YJU2: variants seen among roughly 807,000 people sequenced by gnomAD.
The protein encoded by YJU2 is splicing factor YJU2.
YJU2 carries 28 observed loss-of-function variants against 39.6 expected under a neutral mutation model. That is an observed-to-expected ratio of 0.71 (90% CI 0.52 to 0.97). The LOEUF (loss-of-function observed/expected upper bound fraction) is 0.97, where lower values mean the gene tolerates loss of function less well. Among genes scored for constraint, YJU2 ranks in the 50% least tolerant of loss-of-function variants. YJU2 has a pLI of 0.00. For missense variants in YJU2, 328 were observed against 430.4 expected (o/e 0.76, Z 2.11); for synonymous variants, 184 against 182.4 (o/e 1.01, Z -0.07).
At position 4,268,653 on chromosome 19, in the gene YJU2, T is replaced by A. The variant is rs1382504753; in HGVS notation, c.929T>A (p.Leu310Gln). The change falls in exon 8 of 8, where the codon CTG (leucine) becomes CAG (glutamine). Residue 310 changes from leucine (L) to glutamine (Q), a missense_variant. Physicochemically the swap from Leu to Gln is moderately radical, Grantham distance 113. Coordinates refer to ENST00000262962, the MANE Select transcript of YJU2 (RefSeq NM_018074.6). ...CCTGGCGCGTCCTCCCTGAGCCAACTGGGTGCATACCTGGACAGTGACGAC... is the reference window on the plus strand; with the variant it reads ...CCTGGCGCGTCCTCCCTGAGCCAACAGGGTGCATACCTGGACAGTGACGAC... ...LTPGASSLSQ[L>Q]GAYLDSDDSN... 1 of 1,613,832 alleles carries A rather than the reference T, an allele frequency of 6.2e-7. No homozygotes were observed. The highest frequency in any genetic ancestry group is 1.3e-5 in the African/African-American group (1 of 74,938).
At chr19:4,259,473 G>A (rs1050378483) in intron 5 of YJU2, among the ~76,000 whole-genome samples, 6 of 152,074 alleles carry the variant, frequency 3.9e-5, no homozygotes, top group Admixed American at 2.6e-4. Flanking sequence ...TCCATCTCCC[G>A]GGCTCAAGCG....
intron 3 of YJU2, 86 bp downstream of exon 3, chr19:4,251,257 C>A: frequency 7.8e-7 from 1 of 1,280,114 alleles, no homozygotes; most frequent in Non-Finnish European, 1.1e-6. Context: ...AACTCCAATC[C>A]TCTCCATCCA....
intron 6 of YJU2, among the ~76,000 whole-genome samples, chr19:4,264,520 CTT>C (rs1971101252): frequency 6.7e-6 from 1 of 148,274 alleles, no homozygotes; most frequent in African/African-American, 2.5e-5. Context: ...CAGTTTCACT[CTT>C]GTTGCCCAGG....
chr19:4,262,477 C>A (rs975749055), intron 6 of YJU2, among the ~76,000 whole-genome samples: 2 of 152,028 alleles, frequency 1.3e-5, no homozygotes, highest in East Asian at 1.9e-4. Context: ...GGATTACAGG[C>A]GTGAGCCACC....
chr19:4,247,549 CGT>C (rs1970930043), intron 1 of YJU2, among the ~76,000 whole-genome samples: 1 of 118,554 alleles, frequency 8.4e-6, no homozygotes, highest in African/African-American at 3.0e-5. Flanking sequence ...TGTAACCAAT[CGT>C]GTACTTTGGG....
Position 4,251,197 on chromosome 19 carries a change from G to T in YJU2, c.270+26G>T. On this transcript the variant is annotated intron_variant, in intron 3 of 7. Transcript: ENST00000262962. ...GTAGGTGAGACGGCCGGCCAGGCCG[G>T]TCCCTCTCCCCCAGCACACCTCAGA... 1.9e-6 allele frequency: 3 copies of T among 1,609,512 alleles called. No individual in the cohort carries two copies. In the Admixed American group the frequency reaches 5.0e-5, roughly 27 times the overall value.
intron 1 of YJU2, among the ~76,000 whole-genome samples, chr19:4,247,721 G>T (rs28473520): frequency 0.029 from 4,184 of 146,652 alleles, 252 homozygotes; most frequent in African/African-American, 0.1. Flanking sequence ...ACTGGGGTCT[G>T]GTCATGCAGA....
In YJU2 at chr19:4,247,645, GTGTGTGTGTGTGTGTGTGTGTGTGT is replaced by G. The variant is rs1970939806; in HGVS notation, c.24+476_24+500del. Among the ~76,000 whole-genome samples, 22 of 67,680 alleles carry G rather than the reference GTGTGTGTGTGTGTGTGTGTGTGTGT, an allele frequency of 3.3e-4. 2 individuals are homozygous for G. The highest frequency in any genetic ancestry group is 1.4e-3 in the South Asian group (2 of 1,418). 44.4% of individuals were successfully genotyped at this position (67,680 alleles called of 152,430 possible). A position where few individuals can be genotyped will look rare whatever the true frequency, so the allele number is the denominator to read the frequency against. Reference sequence around the variant, plus strand: ...TGTGTGTGTGTGTGTGTGTGTGTGTGTGTGTGTGTGTGTGTGTGTGTGTGTGTGTGTGTGTGTGTGTGTGTGTGTG... The same window carrying G: ...TGTGTGTGTGTGTGTGTGTGTGTGTGGTGTGTGTGTGTGTGTGTGTGTGTG... On this transcript the variant is annotated intron_variant, in intron 1 of 7. Coordinates refer to ENST00000262962, the MANE Select transcript of YJU2 (RefSeq NM_018074.6).
chr19:4,261,958 C>A, intron 5 of YJU2, 36 bp from the exon 6 acceptor site: 1 of 1,605,622 alleles, frequency 6.2e-7, no homozygotes, highest in South Asian at 1.1e-5. Flanking sequence ...GTTCCCCAAA[C>A]AGAGCACGTC....
At chr19:4,248,411 G>T (rs1412913721) in intron 1 of YJU2, among the ~76,000 whole-genome samples, 1 of 152,162 alleles carries the variant, frequency 6.6e-6, no homozygotes, top group Non-Finnish European at 1.5e-5. Flanking sequence ...GACAGTGTGC[G>T]CATTTCACAG....
intron 5 of YJU2, among the ~76,000 whole-genome samples, chr19:4,259,714 G>C (rs1372657387): frequency 6.6e-6 from 1 of 152,002 alleles, no homozygotes; most frequent in Non-Finnish European, 1.5e-5. Context: ...CTCTGAGCCC[G>C]CGTGCTGATC....
intron 3 of YJU2, among the ~76,000 whole-genome samples, chr19:4,252,048 G>T (rs1342287707): frequency 6.6e-6 from 1 of 152,000 alleles, no homozygotes; most frequent in African/African-American, 2.4e-5. Flanking sequence ...ATTGCAATTT[G>T]ACTTTTATTT....
At chr19:4,252,314 A>G (rs1568360853) in intron 3 of YJU2, among the ~76,000 whole-genome samples, 1 of 151,594 alleles carries the variant, frequency 6.6e-6, no homozygotes, top group Non-Finnish European at 1.5e-5. Flanking sequence ...AAATACAAAA[A>G]TAGGCCGGGC....
chr19:4,255,340 T>C (rs1350313407), intron 4 of YJU2, among the ~76,000 whole-genome samples: 1 of 152,082 alleles, frequency 6.6e-6, no homozygotes, highest in Non-Finnish European at 1.5e-5. Context: ...TCCCAGCTAC[T>C]TTAGGGGTTG....
chr19:4,258,232 C>T lies in YJU2; in HGVS notation c.406-10C>T, dbSNP rs780095139. 30 of 1,550,716 alleles carry T rather than the reference C, an allele frequency of 1.9e-5. No homozygotes were observed. In the East Asian group the frequency reaches 5.4e-4, roughly 28 times the overall value. On this transcript the variant is annotated splice_polypyrimidine_tract_variant and intron_variant, in intron 4 of 7. Transcript: ENST00000262962. ...CCATGCACTCAGCCCCGCCGCCCCG[C>T]GCCCGCCAGGTGCTGGAGAACCGGA... is the stretch of plus-strand genomic sequence containing the variant.
intron 3 of YJU2, among the ~76,000 whole-genome samples, chr19:4,251,955 C>T (rs941491481): frequency 6.6e-6 from 1 of 151,918 alleles, no homozygotes; most frequent in East Asian, 1.9e-4. Context: ...CCATTGCACT[C>T]CAGCCTGAGC....
intron 1 of YJU2, among the ~76,000 whole-genome samples, 172 bp from the exon 2 acceptor site, chr19:4,249,056 G>A (rs1200794151): frequency 6.6e-6 from 1 of 152,134 alleles, no homozygotes; most frequent in Non-Finnish European, 1.5e-5. Flanking sequence ...CAGGAAGCTT[G>A]TGCCTGGCCT....
intron 5 of YJU2, among the ~76,000 whole-genome samples, chr19:4,259,228 G>A (rs1306685503): frequency 6.7e-5 from 10 of 149,934 alleles, no homozygotes; most frequent in Admixed American, 5.3e-4. Flanking sequence ...AGAGGCATCC[G>A]CCACCAAGCC....
At chr19:4,267,278 T>G (rs1310723101) in intron 6 of YJU2, among the ~76,000 whole-genome samples, 1 of 151,908 alleles carries the variant, frequency 6.6e-6, no homozygotes, top group Non-Finnish European at 1.5e-5. Context: ...AGGAGGGGTG[T>G]CTTGTGTTGG....
Sources: gnomAD v4.1 joint callset for allele counts (sites outside exome capture counted in the v4.1 genomes callset) on GRCh38, gnomAD v4.1.1 for gene constraint, MANE v1.5 for transcripts, NCBI Gene and HGNC (gene_info 2026-07-23, HGNC 2026-07-21) for gene names.